Variants in CUL3 observed in about 807,000 individuals in gnomAD.
CUL3 encodes cullin 3, also known as cullin-3.
In CUL3, 19 loss-of-function variants were observed where a neutral mutation model predicts 89.1. The ratio of observed to expected loss-of-function variants is 0.21; its 90% CI spans 0.15 to 0.31. The LOEUF (loss-of-function observed/expected upper bound fraction) is 0.31. Among genes scored for constraint, CUL3 ranks in the 10% least tolerant of loss-of-function variants. CUL3 has a pLI of 1.00. For missense variants in CUL3, 469 were observed against 942.3 expected (o/e 0.50, Z 6.58); for synonymous variants, 351 against 308.4 (o/e 1.14, Z -1.45).
intron 2 of CUL3, among the ~76,000 whole-genome samples, chr2:224,547,029 A>ATT (rs1299017165): frequency 6.6e-6 from 1 of 152,202 alleles, no homozygotes; most frequent in Non-Finnish European, 1.5e-5. Flanking sequence ...CCCAAAAAGC[A>ATT]TAATGGGTTG....
In CUL3 at chr2:224,584,974, C is replaced by A; in HGVS notation, c.36G>T (p.Lys12Asn). 6.6e-7 allele frequency: 1 copy of A among 1,507,344 alleles called. No individual in the cohort carries two copies. The highest frequency in any genetic ancestry group is 2.7e-5 in the East Asian group (1 of 37,290). The allele number at this position is 1,507,344 out of a possible 1,614,324, so 93.4% of individuals were successfully genotyped here. A position where few individuals can be genotyped will look rare whatever the true frequency, so the allele number is the denominator to read the frequency against. ...SNLSKGTGSR[K>N]DTKMRIRAFP... ...AGGCCCGGATCCGCATCTTGGTGTC[C>A]TTCCGGCTGCCCGTGCCTTTGCTCA... Residue 12 changes from lysine (K) to asparagine (N), a missense_variant, in exon 1 of 16, where the codon AAG becomes AAT. This residue lies in a region of CUL3 where 32 missense variants were observed against 29.7 expected (regional missense o/e 1.08). Coordinates refer to ENST00000264414, the MANE Select transcript of CUL3 (RefSeq NM_003590.5).
At chr2:224,543,996 AAAAG>A (rs1333101989) in intron 2 of CUL3, among the ~76,000 whole-genome samples, 1 of 152,140 alleles carries the variant, frequency 6.6e-6, no homozygotes, top group African/African-American at 2.4e-5. Flanking sequence ...TTCAAAAAAA[AAAAG>A]AAAAAAGTTT....
At chr2:224,547,010 C>G (rs1401462440) in intron 2 of CUL3, among the ~76,000 whole-genome samples, 1 of 152,136 alleles carries the variant, frequency 6.6e-6, no homozygotes, top group Non-Finnish European at 1.5e-5. Context: ...TCACTCCTGT[C>G]ACCACCATCC....
chr2:224,510,111 T>C (rs1030203660), intron 6 of CUL3, among the ~76,000 whole-genome samples: 2 of 152,132 alleles, frequency 1.3e-5, no homozygotes, highest in Non-Finnish European at 2.9e-5. Context: ...ATTTTCTCAC[T>C]ATGACTGCGT....
chr2:224,582,043 C>T (rs951640395), intron 1 of CUL3, among the ~76,000 whole-genome samples: 7 of 152,110 alleles, frequency 4.6e-5, no homozygotes, highest in African/African-American at 1.7e-4. Context: ...CAGCTCACTG[C>T]AACCTCGGCC....
intron 3 of CUL3, among the ~76,000 whole-genome samples, 159 bp from the exon 4 acceptor site, chr2:224,514,931 C>T (rs1463695847): frequency 6.6e-6 from 1 of 152,084 alleles, no homozygotes; most frequent in Non-Finnish European, 1.5e-5. Flanking sequence ...TTTCCAGCAC[C>T]TCTCAAGTTA....
At chr2:224,546,970 C>A (rs1415371594) in intron 2 of CUL3, among the ~76,000 whole-genome samples, 1 of 152,126 alleles carries the variant, frequency 6.6e-6, no homozygotes, top group East Asian at 1.9e-4. Context: ...TACCCATTAA[C>A]AGTTTTCACA....
intron 7 of CUL3, 80 bp downstream of exon 7, chr2:224,506,778 C>T: frequency 1.6e-6 from 2 of 1,221,992 alleles, no homozygotes; most frequent in Non-Finnish European, 2.3e-6. Context: ...ACACAATACA[C>T]AGCATGGTAA....
At position 224,513,539 on chromosome 2, in the gene CUL3, A is replaced by C; in HGVS notation, c.639T>G (p.Ser213=). 1 of 1,587,564 alleles carries C rather than the reference A, an allele frequency of 6.3e-7. No homozygotes were observed. Among genetic ancestry groups the C allele is most frequent in the African/African-American group, 1.4e-5 (1 of 73,618 alleles). ...CACGGATTACCTGAAAAAATTCTGC[A>C]GACATTTCCAAAAAAGGAGCCTCAA... ...EDFEAPFLEM[S]AEFFQMESQK... The change falls in exon 5 of 16, where the codon TCT becomes TCG. Residue 213 remains serine, a synonymous_variant. Transcript: ENST00000264414.
intron 3 of CUL3, among the ~76,000 whole-genome samples, chr2:224,516,403 G>C (rs1398449779): frequency 6.9e-6 from 1 of 144,620 alleles, no homozygotes; most frequent in Non-Finnish European, 1.5e-5. Context: ...TGTGAACTCT[G>C]CCTCCCGAGT....
chr2:224,581,105 C>A (rs1695426257), intron 1 of CUL3, among the ~76,000 whole-genome samples: 1 of 152,094 alleles, frequency 6.6e-6, no homozygotes, highest in African/African-American at 2.4e-5. Flanking sequence ...ACATAAAAAA[C>A]AGAACTATTG....
intron 2 of CUL3, among the ~76,000 whole-genome samples, chr2:224,549,863 C>T (rs1250635569): frequency 6.6e-6 from 1 of 150,632 alleles, no homozygotes; most frequent in Non-Finnish European, 1.5e-5. Flanking sequence ...TATATGCGTG[C>T]ACACACACAC....
rs565709733 is a variant in CUL3, at chr2:224,571,495, A to G, written c.66+13449T>C. Among the ~76,000 whole-genome samples the G allele has an allele frequency of 4.6e-5, 7 of 152,320 alleles. No homozygotes were observed. In the South Asian group the frequency reaches 1.5e-3, roughly 32 times the overall value. The stretch of plus-strand genomic sequence containing the variant: ...TACACATAACCCAAAGGGAAAGGAA[A>G]AAAACATACAAAATACCGAACTGCC... On this transcript the variant is annotated intron_variant, in intron 1 of 15. Transcript: ENST00000264414.
intron 2 of CUL3, among the ~76,000 whole-genome samples, chr2:224,545,937 G>C (rs1477932286): frequency 6.6e-6 from 1 of 152,046 alleles, no homozygotes; most frequent in South Asian, 2.1e-4. Flanking sequence ...TTTTAAAAAA[G>C]GCATTCTTAG....
chr2:224,538,054 T>C (rs919177493), intron 2 of CUL3, among the ~76,000 whole-genome samples: 3 of 152,198 alleles, frequency 2.0e-5, no homozygotes, highest in African/African-American at 7.2e-5. Flanking sequence ...CTTGTTTGCA[T>C]CATACCTCAA....
At chr2:224,569,271 A>G (rs1695121918) in intron 1 of CUL3, among the ~76,000 whole-genome samples, 1 of 152,214 alleles carries the variant, frequency 6.6e-6, no homozygotes, top group Admixed American at 6.5e-5. Flanking sequence ...TATCATCTAT[A>G]TACACAAACA....
Position 224,566,360 on chromosome 2 carries a change from T to C in CUL3, c.67-8504A>G, listed in dbSNP as rs147196370. ...TTTCTCTTCAAGGCTCAGGGGTTAGTAGATTTATAGATAAAGTCAGCCATG... is the reference window on the plus strand; with the variant it reads ...TTTCTCTTCAAGGCTCAGGGGTTAGCAGATTTATAGATAAAGTCAGCCATG... On this transcript the variant is annotated intron_variant, in intron 1 of 15. Transcript: ENST00000264414. Among the ~76,000 whole-genome samples, 25 of 152,316 alleles carry C rather than the reference T, an allele frequency of 1.6e-4. 1 individual carries two copies. The highest frequency in any genetic ancestry group is 5.3e-4 in the African/African-American group (22 of 41,578).
At chr2:224,528,343 C>A (rs531651811) in intron 3 of CUL3, among the ~76,000 whole-genome samples, 2 of 152,136 alleles carry the variant, frequency 1.3e-5, no homozygotes, top group African/African-American at 2.4e-5. Flanking sequence ...ACAATCATAT[C>A]GCCTTTTTTC....
intron 2 of CUL3, among the ~76,000 whole-genome samples, chr2:224,541,851 A>G (rs1694118241): frequency 6.6e-6 from 1 of 152,160 alleles, no homozygotes; most frequent in African/African-American, 2.4e-5. Flanking sequence ...AAAAAAATCC[A>G]AAACTATAGT....
Sources: allele counts gnomAD v4.1 joint callset (sites outside exome capture counted in the v4.1 genomes callset), GRCh38; gene constraint gnomAD v4.1.1; regional missense constraint gnomAD v4.1.1; transcripts MANE v1.5; gene names NCBI Gene and HGNC (gene_info 2026-07-23, HGNC 2026-07-21).